RAB2B: variants seen among roughly 807,000 people sequenced by gnomAD.
RAB2B encodes the protein ras-related protein Rab-2B.
Under a neutral mutation model 29.8 loss-of-function variants are expected in RAB2B, and 20 were observed. That is an observed-to-expected ratio of 0.67 (90% CI 0.47 to 0.97). The LOEUF is 0.97. Among genes scored for constraint, RAB2B ranks in the 50% least tolerant of loss-of-function variants. The probability of loss-of-function intolerance (pLI) is 0.00; values close to 1 mark genes in which losing one functional copy is unlikely to be tolerated. For synonymous variants in RAB2B, 93 were observed against 91.7 expected (o/e 1.01, Z -0.08); for missense variants, 218 against 272.0 (o/e 0.80, Z 1.40).
chr14:21,475,221 C>T (rs926345159), intron 2 of RAB2B, among the ~76,000 whole-genome samples: 2 of 152,102 alleles, frequency 1.3e-5, no homozygotes, highest in African/African-American at 4.8e-5. Flanking sequence ...AAGGTGAATA[C>T]TTTTTTAGCA....
chr14:21,476,482 C>T, intron 2 of RAB2B, 46 bp downstream of exon 2: 1 of 1,609,654 alleles, frequency 6.2e-7, no homozygotes, highest in South Asian at 1.1e-5. Context: ...AGCAATTTAG[C>T]TAGTCAGGTT....
rs533768510 is a variant in RAB2B at position 21,462,606 on chromosome 14, G to A, written c.475-188C>T. 3.7e-4 allele frequency among the ~76,000 whole-genome samples: 56 copies of A among 152,172 alleles called. 1 individual carries two copies. The highest frequency in any genetic ancestry group is 1.2e-3 in the African/African-American group (49 of 41,520). On this transcript the variant is annotated intron_variant, in intron 6 of 7. Transcript: ENST00000397762. ...TGTAATCCCAGCACTTTGGGAGGCC[G>A]AGGCGGGCAAGTCACTTGAGGTCAG...
In RAB2B at chr14:21,463,778, T is replaced by G; in HGVS notation, c.363-11A>C. The G allele has an allele frequency of 6.6e-7, 1 of 1,503,838 alleles. No individual in the cohort carries two copies. Among genetic ancestry groups the G allele is most frequent in the Non-Finnish European group, 9.1e-7 (1 of 1,098,632 alleles). 93.2% of individuals were successfully genotyped at this position (1,503,838 alleles called of 1,614,324 possible). On this transcript the variant is annotated splice_polypyrimidine_tract_variant and intron_variant, in intron 5 of 7. Coordinates refer to ENST00000397762, the MANE Select transcript of RAB2B (RefSeq NM_032846.4). ...CGGGACTCTAGGTCACTGCAAGAGA[T>G]TAATTAAGGAGAAAATTTAAAAAAA... is the stretch of plus-strand genomic sequence containing the variant.
In RAB2B at chr14:21,476,602, G is replaced by T. The variant is rs1050893700; in HGVS notation, c.47-3C>A. The T allele has an allele frequency of 4.3e-6, 7 of 1,613,644 alleles. No homozygotes were observed. Among genetic ancestry groups the T allele is most frequent in the Non-Finnish European group, 5.9e-6 (7 of 1,179,922 alleles). ...GAGGAGACATGACTTCCCCACACCT[G>T]AAAGAGAAAGCACACTCCCGGAATC... On this transcript the variant is annotated splice_polypyrimidine_tract_variant and splice_region_variant and intron_variant, in intron 1 of 7. Coordinates refer to ENST00000397762, the MANE Select transcript of RAB2B (RefSeq NM_032846.4).
At chr14:21,464,930 G>T (rs1890652145) in intron 5 of RAB2B, among the ~76,000 whole-genome samples, 1 of 151,940 alleles carries the variant, frequency 6.6e-6, no homozygotes, top group Admixed American at 6.6e-5. Flanking sequence ...TTGAGCCCTG[G>T]AAACAGGTTG....
intron 3 of RAB2B, among the ~76,000 whole-genome samples, chr14:21,470,993 C>A (rs1161403055): frequency 1.5e-4 from 15 of 98,764 alleles, no homozygotes; most frequent in South Asian, 3.3e-4. Flanking sequence ...GCTAAAAATA[C>A]AAAAAAAAAA....
chr14:21,473,809 G>A (rs1222147798), intron 3 of RAB2B, among the ~76,000 whole-genome samples: 4 of 151,884 alleles, frequency 2.6e-5, no homozygotes, highest in African/African-American at 7.3e-5. Flanking sequence ...TCAGGAGATC[G>A]AGACCATGCT....
At chr14:21,461,361 G>A (rs1357545477) in intron 7 of RAB2B, 58 bp from the exon 8 acceptor site, 3 of 1,170,084 alleles carry the variant, frequency 2.6e-6, no homozygotes, top group Non-Finnish European at 3.8e-6. Context: ...TGAGAGACAG[G>A]AGGGGGCTAT....
intron 3 of RAB2B, among the ~76,000 whole-genome samples, chr14:21,470,305 C>T (rs566536242): frequency 6.5e-4 from 99 of 152,168 alleles, no homozygotes; most frequent in Non-Finnish European, 1.1e-3. Flanking sequence ...GTTTAATAAA[C>T]GGCCCCAAAT....
At chr14:21,472,445 T>C (rs902145480) in intron 3 of RAB2B, among the ~76,000 whole-genome samples, 1 of 152,064 alleles carries the variant, frequency 6.6e-6, no homozygotes, top group African/African-American at 2.4e-5. Flanking sequence ...AGTGGGAAGC[T>C]AAGATGGGTA....
chr14:21,470,981 C>G (rs28420881), intron 3 of RAB2B, among the ~76,000 whole-genome samples: 1 of 119,524 alleles, frequency 8.4e-6, no homozygotes, highest in African/African-American at 3.6e-5. Flanking sequence ...AACCCCATCT[C>G]TGCTAAAAAT....
rs1890525898 is a variant in RAB2B, at chr14:21,460,599, A to AAAG, written c.*596_*597insCTT. Reference sequence around the variant, plus strand: ...ACTCCATCCCCCCAAAAAAAAAAAAAAAAAAAGAAAAAAAAAATTATTTAT... The same window carrying AAAG: ...ACTCCATCCCCCCAAAAAAAAAAAAAAAGAAAAAAGAAAAAAAAAATTATTTAT... On this transcript the variant is annotated 3_prime_UTR_variant, in exon 8 of 8. Transcript: ENST00000397762. The AAAG allele has an allele frequency of 2.0e-5, 3 of 151,830 alleles. No homozygotes were observed. Among genetic ancestry groups the AAAG allele is most frequent in the South Asian group, 3.8e-4 (2 of 5,322 alleles). The allele number at this position is 151,830 out of a possible 1,614,324, so 9.4% of individuals were successfully genotyped here. A position where few individuals can be genotyped will look rare whatever the true frequency, so the allele number is the denominator to read the frequency against.
Position 21,476,600 on chromosome 14 carries a change from C to G in RAB2B, c.47-1G>C. 1 of 1,613,682 alleles carries G rather than the reference C, an allele frequency of 6.2e-7. No homozygotes were observed. ...AGGAGGAGACATGACTTCCCCACAC[C>G]TGAAAGAGAAAGCACACTCCCGGAA... is the stretch of plus-strand genomic sequence containing the variant. On this transcript the variant is annotated splice_acceptor_variant, in intron 1 of 7. Coordinates refer to ENST00000397762, the MANE Select transcript of RAB2B (RefSeq NM_032846.4). LOFTEE classifies it high-confidence loss of function.
chr14:21,475,858 G>T (rs989209612), intron 2 of RAB2B, among the ~76,000 whole-genome samples: 5 of 152,218 alleles, frequency 3.3e-5, no homozygotes, highest in South Asian at 4.1e-4. Flanking sequence ...TGGTAAGAAT[G>T]GGGATGTAGG....
At chr14:21,470,087 G>A (rs747359316) in intron 3 of RAB2B, among the ~76,000 whole-genome samples, 7 of 151,442 alleles carry the variant, frequency 4.6e-5, no homozygotes, top group Non-Finnish European at 8.8e-5. Flanking sequence ...CAATTAGCTG[G>A]GATTACAGGC....
intron 3 of RAB2B, among the ~76,000 whole-genome samples, chr14:21,470,705 A>G (rs1890787954): frequency 6.6e-6 from 1 of 152,068 alleles, no homozygotes; most frequent in South Asian, 2.1e-4. Context: ...CTCTTCTGCT[A>G]TGGTTGTAAG....
intron 7 of RAB2B, among the ~76,000 whole-genome samples, chr14:21,461,577 T>C (rs1453121243): frequency 6.6e-6 from 1 of 152,000 alleles, no homozygotes; most frequent in African/African-American, 2.4e-5. Context: ...TTTGTGCACT[T>C]TTTTTTTCCT....
chr14:21,476,521 C>T lies in RAB2B; in HGVS notation c.118+7G>A, dbSNP rs376122302. Reference sequence around the variant, plus strand: ...TCATCTGTTCTGGAACAAGTAGATGCACTTACCTATTGTGAGGTCGTGGAC... The same window carrying T: ...TCATCTGTTCTGGAACAAGTAGATGTACTTACCTATTGTGAGGTCGTGGAC... On this transcript the variant is annotated splice_region_variant and intron_variant, in intron 2 of 7. Transcript: ENST00000397762. 1.3e-5 allele frequency: 21 copies of T among 1,613,642 alleles called. No homozygotes were observed. The African/African-American group carries it at 1.7e-4, about 13-fold the overall frequency.
intron 3 of RAB2B, among the ~76,000 whole-genome samples, chr14:21,472,258 G>A (rs1018185175): frequency 6.6e-6 from 1 of 152,100 alleles, no homozygotes; most frequent in African/African-American, 2.4e-5. Flanking sequence ...AGGAATACGT[G>A]TATACACACA....
Sources: allele counts gnomAD v4.1 joint callset (sites outside exome capture counted in the v4.1 genomes callset), GRCh38; gene constraint gnomAD v4.1.1; transcripts MANE v1.5; gene names NCBI Gene and HGNC (gene_info 2026-07-23, HGNC 2026-07-21).